The following DACT2 variants were observed in gnomAD, a reference collection of about 807,000 sequenced individuals.
DACT2 encodes the protein dapper homolog 2.
DACT2 carries 20 observed loss-of-function variants against 22.2 expected under a neutral mutation model. That is an observed-to-expected ratio of 0.90 (90% CI 0.63 to 1.31). DACT2 has a LOEUF of 1.31. Ranked by LOEUF, DACT2 falls within the 50% of genes most tolerant of loss-of-function variation. The probability of loss-of-function intolerance (pLI) is 0.00; values close to 1 mark genes in which losing one functional copy is unlikely to be tolerated. For missense variants in DACT2, 1,048 were observed against 1,061.4 expected (o/e 0.99, Z 0.18); for synonymous variants, 463 against 479.8 (o/e 0.96, Z 0.46).
chr6:168,293,989 G>A (rs138160768), intron 5 of DACT2: 2 of 703,260 alleles, frequency 2.8e-6, no homozygotes, highest in African/African-American at 1.7e-5. Flanking sequence ...GTGAGTAGAG[G>A]AGGTCCATCC....
rs1388826358 is a variant in DACT2 at position 168,307,808 on chromosome 6, A to C, written c.1949T>G (p.Leu650Arg). 3 of 1,540,764 alleles carry C rather than the reference A, an allele frequency of 1.9e-6. No homozygotes were observed. The highest frequency in any genetic ancestry group is 2.0e-5 in the Admixed American group (1 of 50,874). ...CCTGGTGTAGGCGTCCTGGCGGACC[A>C]GTGAGGGACGGCCCCGGGCCAGTGG... ...GGPLARGRPS[L>R]VRQDAYTRSD... The change falls in exon 4 of 4, where the codon CTG becomes CGG. Residue 650 changes from leucine to arginine, a missense_variant. Coordinates refer to ENST00000366795, the MANE Select transcript of DACT2 (RefSeq NM_214462.5). The surrounding 1 kb of genome is among the most constrained non-coding windows in gnomAD (Gnocchi z 5.3).
chr6:168,294,839 A>C (rs1778981993), intron 3 of DACT2: 1 of 388,512 alleles, frequency 2.6e-6, no homozygotes, highest in Non-Finnish European at 4.5e-6. Flanking sequence ...GTATAAAGAC[A>C]AACAACAGAA....
At chr6:168,295,147 G>A (rs1778986964) in intron 3 of DACT2, among the ~76,000 whole-genome samples, 1 of 152,174 alleles carries the variant, frequency 6.6e-6, no homozygotes, top group African/African-American at 2.4e-5. Flanking sequence ...GAGTGACAAG[G>A]CCCTCACCCC....
intron 1 of DACT2, among the ~76,000 whole-genome samples, chr6:168,315,823 G>A (rs1194013747): frequency 6.6e-6 from 1 of 152,192 alleles, no homozygotes; most frequent in African/African-American, 2.4e-5. Context: ...GTGAGCACCA[G>A]GGTGGGCGGA....
chr6:168,313,828 A>T (rs939624185), intron 1 of DACT2, among the ~76,000 whole-genome samples: 1 of 151,880 alleles, frequency 6.6e-6, no homozygotes, highest in African/African-American at 2.4e-5. Flanking sequence ...TGCTGGGTTA[A>T]TTGCTTTGTG....
rs1779224315 is a variant in DACT2 at position 168,307,023 on chromosome 6, T to C, written c.*409A>G. ...AAATTCAATTTCCAGCTCAGAGTCC[T>C]GCAACCGCCTCTTTAAAATGCTTTT... is the stretch of plus-strand genomic sequence containing the variant. On this transcript the variant is annotated 3_prime_UTR_variant, in exon 4 of 4. Transcript: ENST00000366795. This position sits in a 1 kb window ranked among gnomAD's most constrained non-coding sequence, Gnocchi z 5.3. The C allele has an allele frequency of 9.9e-7, 1 of 1,010,178 alleles. No homozygotes were observed. 62.6% of individuals were successfully genotyped at this position (1,010,178 alleles called of 1,614,324 possible). A position where few individuals can be genotyped will look rare whatever the true frequency, so the allele number is the denominator to read the frequency against.
In DACT2 at chr6:168,311,263, T is replaced by C. The variant is rs754548882; in HGVS notation, c.268A>G (p.Ile90Val). ...EQLSRLRQQD[I>V]GLKTHLDQLD... ...TGGTCCAGGTGGGTCTTCAGGCCGATGTCCTGTTGTCTCAGCCGGGACTGA... is the reference window on the plus strand; with the variant it reads ...TGGTCCAGGTGGGTCTTCAGGCCGACGTCCTGTTGTCTCAGCCGGGACTGA... The change falls in exon 2 of 4, where the codon ATC (isoleucine) becomes GTC (valine). Residue 90 changes from isoleucine (I) to valine (V), a missense_variant. Coordinates refer to ENST00000366795, the MANE Select transcript of DACT2 (RefSeq NM_214462.5). 87 of 1,548,818 alleles carry C rather than the reference T, an allele frequency of 5.6e-5. No individual in the cohort carries two copies. The highest frequency in any genetic ancestry group is 7.3e-5 in the Non-Finnish European group (83 of 1,144,468).
chr6:168,300,937 G>A (rs1293134389), intron 3 of DACT2, among the ~76,000 whole-genome samples: 1 of 152,222 alleles, frequency 6.6e-6, no homozygotes, highest in African/African-American at 2.4e-5. Flanking sequence ...AGTGAGCTGA[G>A]TTCGTGCCAC....
intron 2 of DACT2, 120 bp from the exon 3 acceptor site, chr6:168,310,566 GGAGGCTGTGTGCCATC>G: frequency 7.5e-7 from 1 of 1,339,586 alleles, no homozygotes; most frequent in Non-Finnish European, 1.0e-6. Context: ...TGAGGCTACC[GGAGGCTGTGTGCCATC>G]GTCCACACGG....
chr6:168,302,938 C>T (rs1779136591), downstream of DACT2, among the ~76,000 whole-genome samples: 1 of 152,158 alleles, frequency 6.6e-6, no homozygotes, highest in African/African-American at 2.4e-5. Context: ...GCCAACTATG[C>T]AAGTGATTGA....
At chr6:168,311,615 A>T (rs28465140) in intron 1 of DACT2, among the ~76,000 whole-genome samples, 2 of 48,226 alleles carry the variant, frequency 4.1e-5, no homozygotes, top group African/African-American at 8.3e-5. Context: ...CACTCACACA[A>T]ACACACACAC....
In DACT2 at chr6:168,307,106, A is replaced by T. The variant is rs919339229; in HGVS notation, c.*326T>A. ...TCCCCAGCCAGAGGGGAGTGAGGGC[A>T]GGGGAAGCCATGGGAGGATGACAAC... is the stretch of plus-strand genomic sequence containing the variant. On this transcript the variant is annotated 3_prime_UTR_variant, in exon 4 of 4. Coordinates refer to ENST00000366795, the MANE Select transcript of DACT2 (RefSeq NM_214462.5). The surrounding 1 kb of genome is among the most constrained non-coding windows in gnomAD (Gnocchi z 5.3). 11 of 1,113,026 alleles carry T rather than the reference A, an allele frequency of 9.9e-6. No homozygotes were observed. Among genetic ancestry groups the T allele is most frequent in the Admixed American group, 9.2e-5 (2 of 21,746 alleles). 68.9% of individuals were successfully genotyped at this position (1,113,026 alleles called of 1,614,324 possible).
chr6:168,295,818 T>C (rs1299268197), intron 3 of DACT2, among the ~76,000 whole-genome samples: 2 of 152,242 alleles, frequency 1.3e-5, no homozygotes, highest in Non-Finnish European at 2.9e-5. Flanking sequence ...AGAGTCGTTA[T>C]CAAGCCTTAT....
In DACT2 at chr6:168,307,450, C is replaced by T. The variant is rs1779238845; in HGVS notation, c.2307G>A (p.Lys769=). The change falls in exon 4 of 4, where the codon AAG becomes AAA. Residue 769 remains lysine (K), a synonymous_variant. Coordinates refer to ENST00000366795, the MANE Select transcript of DACT2 (RefSeq NM_214462.5). This position sits in a 1 kb window ranked among gnomAD's most constrained non-coding sequence, Gnocchi z 5.3. Reference sequence around the variant, plus strand: ...CTGCACCTCACACCATGGTCATGACCTTCAGGGCCGTCGGCTGGAACCTGC... The same window carrying T: ...CTGCACCTCACACCATGGTCATGACTTTCAGGGCCGTCGGCTGGAACCTGC... ...KIRRFQPTAL[K]VMTMV 1.3e-6 allele frequency: 2 copies of T among 1,551,578 alleles called. No homozygotes were observed. The highest frequency in any genetic ancestry group is 1.4e-5 in the African/African-American group (1 of 73,048).
In DACT2 at chr6:168,309,048, C is replaced by T. The variant is rs117378794; in HGVS notation, c.709G>A (p.Ala237Thr). 6.8e-3 allele frequency: 10,432 copies of T among 1,541,668 alleles called. 289 individuals carry two copies. Among genetic ancestry groups the T allele is most frequent in the East Asian group, 0.059 (2,421 of 40,886 alleles). Reference protein sequence around the residue: ...PADTGLQKASADAELLGLLCQ... With the variant: ...PADTGLQKASTDAELLGLLCQ... ...AGGAGCCCGAGGAGCTCGGCGTCCG[C>T]GCTGGCTTTCTGGAGCCCCGTGTCC... is the stretch of plus-strand genomic sequence containing the variant. The change falls in exon 4 of 4, where the codon GCG (alanine) becomes ACG (threonine). Residue 237 changes from alanine to threonine, a missense_variant. Ala to Thr is a moderately conservative substitution (Grantham distance 58, BLOSUM62 0). Coordinates refer to ENST00000366795, the MANE Select transcript of DACT2 (RefSeq NM_214462.5).
chr6:168,304,681 A>G (rs1018786892), downstream of DACT2, among the ~76,000 whole-genome samples: 2 of 152,126 alleles, frequency 1.3e-5, no homozygotes, highest in Non-Finnish European at 2.9e-5. Context: ...TGTGGGTCCC[A>G]TTTTCAAACT....
In DACT2 at chr6:168,310,331, G is replaced by T; in HGVS notation, c.495C>A (p.His165Gln). The T allele has an allele frequency of 6.4e-7, 1 of 1,551,550 alleles. No individual in the cohort carries two copies. Among genetic ancestry groups the T allele is most frequent in the Non-Finnish European group, 8.7e-7 (1 of 1,146,934 alleles). Reference protein sequence around the residue: ...LGSLLPVAQAHKARPSMGDWR... With the variant: ...LGSLLPVAQAQKARPSMGDWR... ...AGTCCCCCATGCTGGGCCTGGCCTT[G>T]TGGGCCTGGGCCACAGGCAACAAAC... The change falls in exon 3 of 4, where the codon CAC (histidine) becomes CAA (glutamine). Residue 165 changes from histidine to glutamine, a missense_variant. Transcript: ENST00000366795.
chr6:168,319,216 G>A (rs543051826), intron 1 of DACT2, among the ~76,000 whole-genome samples, 172 bp downstream of exon 1: 1 of 152,054 alleles, frequency 6.6e-6, no homozygotes, highest in Non-Finnish European at 1.5e-5. Context: ...CCTGCGCGCG[G>A]GGCCTCCATG....
At chr6:168,293,654 C>T (rs947972534) in exon 6 of DACT2, 2 of 542,400 alleles carry the variant, frequency 3.7e-6, no homozygotes, top group African/African-American at 3.8e-5. Context: ...AAACCATTCT[C>T]TCTTACGTCC....
Sources: gnomAD v4.1 joint callset for allele counts (sites outside exome capture counted in the v4.1 genomes callset) on GRCh38, gnomAD v4.1.1 for gene constraint, Gnocchi (gnomAD v3.1) non-coding constraint, MANE v1.5 for transcripts, NCBI Gene and HGNC (gene_info 2026-07-23, HGNC 2026-07-21) for gene names.